ABLIM1: variants seen among roughly 807,000 people sequenced by gnomAD.
ABLIM1 encodes actin-binding LIM protein 1.
ABLIM1 carries 40 observed loss-of-function variants against 107.0 expected under a neutral mutation model. The observed-to-expected ratio is 0.37, with a 90% confidence interval of 0.29 to 0.49. ABLIM1 has a LOEUF of 0.49. Among genes scored for constraint, ABLIM1 ranks in the 20% least tolerant of loss-of-function variants. The probability of loss-of-function intolerance (pLI) is 0.97; values close to 1 mark genes in which losing one functional copy is unlikely to be tolerated. For synonymous variants in ABLIM1, 357 were observed against 357.3 expected, an observed-to-expected ratio of 1.00 and a Z score of 0.01; for missense variants, 857 against 1,008.5, an observed-to-expected ratio of 0.85 and a Z score of 2.04.
intron 6 of ABLIM1, among the ~76,000 whole-genome samples, chr10:114,536,585 G>A (rs779273887): frequency 6.6e-6 from 1 of 152,092 alleles, no homozygotes; most frequent in Non-Finnish European, 1.5e-5. Context: ...AAGGTTCCTC[G>A]AAGTTGTAGT....
At chr10:114,668,623 C>T (rs2080124022) in intron 1 of ABLIM1, among the ~76,000 whole-genome samples, 1 of 152,188 alleles carries the variant, frequency 6.6e-6, no homozygotes, top group Non-Finnish European at 1.5e-5. Context: ...CAGGTACACA[C>T]TGCCATGCCC....
chr10:114,783,674 A>G, the ABLIM1 span, among the ~76,000 whole-genome samples: 2 of 151,842 alleles, frequency 1.3e-5, no homozygotes, highest in Non-Finnish European at 2.9e-5. Context: ...AAAAGTGGTC[A>G]CTTATCTCTC....
chr10:114,682,582 G>A (rs1257001050), intron 1 of ABLIM1, among the ~76,000 whole-genome samples: 1 of 152,030 alleles, frequency 6.6e-6, no homozygotes, highest in East Asian at 1.9e-4. Context: ...CAAACATAAG[G>A]TGTGCCTGTT....
chr10:114,683,110 A>T (rs2080816408), intron 1 of ABLIM1, among the ~76,000 whole-genome samples: 2 of 152,228 alleles, frequency 1.3e-5, no homozygotes, highest in African/African-American at 4.8e-5. Flanking sequence ...TCCTTATTAA[A>T]ATTCAAATTC....
the ABLIM1 span, among the ~76,000 whole-genome samples, chr10:114,782,023 C>G: frequency 6.6e-6 from 1 of 151,940 alleles, no homozygotes; most frequent in Admixed American, 6.6e-5. Context: ...CTTAATAAAC[C>G]AAAGCATAAA....
chr10:114,684,408 G>C (rs2080877071), exon 1 of ABLIM1: 1 of 1,612,196 alleles, frequency 6.2e-7, no homozygotes, highest in Non-Finnish European at 8.5e-7. Context: ...CACACAGAAA[G>C]GCTGCAACAC....
At chr10:114,667,471 A>G (rs1436569811) in intron 1 of ABLIM1, among the ~76,000 whole-genome samples, 1 of 152,160 alleles carries the variant, frequency 6.6e-6, no homozygotes, top group Non-Finnish European at 1.5e-5. Flanking sequence ...ATACTATTAC[A>G]CATTTTACTC....
intron 4 of ABLIM1, among the ~76,000 whole-genome samples, chr10:114,560,513 G>A (rs769545187): frequency 1.1e-4 from 17 of 152,256 alleles, no homozygotes; most frequent in East Asian, 3.9e-4. Flanking sequence ...AACACTTATC[G>A]TGTTATAACT....
intron 6 of ABLIM1, among the ~76,000 whole-genome samples, chr10:114,524,093 T>TG (rs1205369208): frequency 6.6e-6 from 1 of 152,206 alleles, no homozygotes; most frequent in Non-Finnish European, 1.5e-5. Context: ...TAGACTTCAA[T>TG]AAGTCAAGGT....
intron 5 of ABLIM1, 58 bp downstream of exon 5, chr10:114,547,592 G>A: frequency 6.2e-7 from 1 of 1,603,252 alleles, no homozygotes; most frequent in South Asian, 1.1e-5. Context: ...AGGACCTGCA[G>A]AAGAACCACA....
rs1227535572 is a variant in ABLIM1, at chr10:114,637,010, G to A, written c.244+20947C>T. ...ATTTCACCACTGCACTCCAGCCGGG[G>A]CAACAGAGTGAGACGCTGTCTCTTT... On this transcript the variant is annotated intron_variant, in intron 1 of 22. Transcript: ENST00000533213. 6.7e-5 allele frequency among the ~76,000 whole-genome samples: 10 copies of A among 148,370 alleles called. No individual in the cohort carries two copies. The Admixed American group carries it at 6.9e-4, about 10-fold the overall frequency.
At chr10:114,781,668 A>G in the ABLIM1 span, among the ~76,000 whole-genome samples, 81 of 48,018 alleles carry the variant, frequency 1.7e-3, no homozygotes, top group Middle Eastern at 0.059. Flanking sequence ...ATGCGTGTAT[A>G]TATATATATA....
intron 1 of ABLIM1, among the ~76,000 whole-genome samples, chr10:114,701,142 A>T (rs1315878907): frequency 6.6e-6 from 1 of 152,194 alleles, no homozygotes; most frequent in African/African-American, 2.4e-5. Context: ...TTGAATAGAT[A>T]CTTCACAAGG....
At chr10:114,522,011 A>G (rs539120535) in intron 6 of ABLIM1, among the ~76,000 whole-genome samples, 1 of 152,260 alleles carries the variant, frequency 6.6e-6, no homozygotes, top group African/African-American at 2.4e-5. Flanking sequence ...AATGAGAAGG[A>G]AGCCAAGATC....
At chr10:114,547,487 A>T in intron 5 of ABLIM1, 163 bp downstream of exon 5, 2 of 811,506 alleles carry the variant, frequency 2.5e-6, no homozygotes, top group Non-Finnish European at 3.7e-6. Flanking sequence ...GCAAAAGAAT[A>T]CAATTCTTTT....
chr10:114,728,207 T>C (rs997725879), intron 1 of ABLIM1, among the ~76,000 whole-genome samples: 5 of 152,186 alleles, frequency 3.3e-5, no homozygotes, highest in Admixed American at 2.6e-4. Flanking sequence ...TTTTGCATAC[T>C]CAAACTTGAC....
chr10:114,506,809 G>A (rs2061217023), intron 6 of ABLIM1, among the ~76,000 whole-genome samples: 2 of 152,206 alleles, frequency 1.3e-5, no homozygotes, highest in African/African-American at 4.8e-5. Flanking sequence ...TCTGTCGATA[G>A]TTTCTTTTGC....
At chr10:114,630,554 G>T (rs1468735150) in intron 1 of ABLIM1, among the ~76,000 whole-genome samples, 1 of 152,136 alleles carries the variant, frequency 6.6e-6, no homozygotes, top group African/African-American at 2.4e-5. Context: ...TTTGTCCTGA[G>T]GTGCAGCCTT....
At position 114,435,488 on chromosome 10, in the gene ABLIM1, G is replaced by T. The variant is rs2138878029; in HGVS notation, c.*772C>A. On this transcript the variant is annotated 3_prime_UTR_variant, in exon 23 of 23. Coordinates refer to ENST00000533213, the MANE Select transcript of ABLIM1 (RefSeq NM_002313.7). ...AAAGGTGGAGCTCCAGACAGCTCCT[G>T]TCCTAGGCGGGGAGCAGGAACCAGA... 6.6e-6 allele frequency: 1 copy of T among 152,370 alleles called. No individual in the cohort carries two copies. Among genetic ancestry groups the T allele is most frequent in the South Asian group, 2.1e-4 (1 of 4,820 alleles). The allele number at this position is 152,370 out of a possible 1,614,324, so 9.4% of individuals were successfully genotyped here. A position where few individuals can be genotyped will look rare whatever the true frequency, so the allele number is the denominator to read the frequency against.
Sources: allele counts gnomAD v4.1 joint callset (sites outside exome capture counted in the v4.1 genomes callset), GRCh38; gene constraint gnomAD v4.1.1; transcripts MANE v1.5; gene names NCBI Gene and HGNC (gene_info 2026-07-23, HGNC 2026-07-21).